Variants in ATP6V1B2 observed in about 807,000 individuals in gnomAD.
ATP6V1B2 encodes the protein ATPase H+ transporting V1 subunit B2, also known as V-type proton ATPase subunit B, brain isoform.
Under a neutral mutation model 66.7 loss-of-function variants are expected in ATP6V1B2, and 23 were observed. The ratio of observed to expected loss-of-function variants is 0.34; its 90% CI spans 0.25 to 0.49. ATP6V1B2 has a LOEUF of 0.49. ATP6V1B2 is among the 20% of genes least tolerant of loss of function. ATP6V1B2 has a pLI of 0.99. For missense variants in ATP6V1B2, 478 were observed against 650.8 expected (o/e 0.73, Z 2.89); for synonymous variants, 278 against 236.7 (o/e 1.17, Z -1.60).
chr8:20,218,919 G>T (rs573599281), intron 13 of ATP6V1B2, among the ~76,000 whole-genome samples: 25 of 152,214 alleles, frequency 1.6e-4, no homozygotes, highest in African/African-American at 5.8e-4. Context: ...CTGCCTAGCA[G>T]TGCCCTTTCA....
chr8:20,211,280 T>C lies in ATP6V1B2; in HGVS notation c.567T>C (p.Ile189=). 6.2e-7 allele frequency: 1 copy of C among 1,613,196 alleles called. No homozygotes were observed. Among genetic ancestry groups the C allele is most frequent in the East Asian group, 2.2e-5 (1 of 44,834 alleles). The change falls in exon 6 of 14, where the codon ATT becomes ATC. Residue 189 remains isoleucine, a synonymous_variant. Coordinates refer to ENST00000276390, the MANE Select transcript of ATP6V1B2 (RefSeq NM_001693.4). ...GMNSIARGQK[I]PIFSAAGLPH... Reference sequence around the variant, plus strand: ...ACAGTATTGCTAGGGGGCAGAAAATTCCTATCTTCTCTGCTGCTGGGCTAC... The same window carrying C: ...ACAGTATTGCTAGGGGGCAGAAAATCCCTATCTTCTCTGCTGCTGGGCTAC...
chr8:20,214,632 T>A (rs2072831851), intron 9 of ATP6V1B2, 186 bp from the exon 10 acceptor site: 1 of 604,512 alleles, frequency 1.7e-6, no homozygotes, highest in African/African-American at 1.9e-5. Flanking sequence ...ATTGTCAACA[T>A]TTTTGTTACA....
rs986096709 is a variant in ATP6V1B2 at position 20,221,221 on chromosome 8, C to G, written c.*819C>G. ...TACAGCCTTTCTACATTCTGACATG[C>G]TAACAGTGGTTTAAGTTTCTAAAGT... is the stretch of plus-strand genomic sequence containing the variant. On this transcript the variant is annotated 3_prime_UTR_variant, in exon 14 of 14. Transcript: ENST00000276390. 6.6e-6 allele frequency: 1 copy of G among 152,216 alleles called. No homozygotes were observed. Among genetic ancestry groups the G allele is most frequent in the African/African-American group, 2.4e-5 (1 of 41,462 alleles). The allele number at this position is 152,216 out of a possible 1,614,324, so 9.4% of individuals were successfully genotyped here. A position where few individuals can be genotyped will look rare whatever the true frequency, so the allele number is the denominator to read the frequency against.
At chr8:20,217,452 G>T in intron 12 of ATP6V1B2, 128 bp downstream of exon 12, 2 of 780,714 alleles carry the variant, frequency 2.6e-6, no homozygotes, top group Admixed American at 2.1e-5. Context: ...TAGGCTTGAT[G>T]TGGAATACAT....
intron 8 of ATP6V1B2, 137 bp downstream of exon 8, chr8:20,212,336 G>C (rs1053262912): frequency 2.5e-6 from 2 of 790,052 alleles, no homozygotes; most frequent in African/African-American, 1.7e-5. Context: ...GTCCAGCCCT[G>C]CTTCTTGGTA....
intron 1 of ATP6V1B2, among the ~76,000 whole-genome samples, chr8:20,200,039 G>T (rs1041860476): frequency 6.6e-6 from 1 of 151,700 alleles, no homozygotes. Flanking sequence ...GTCTCACTCT[G>T]TTGCCTAGGC....
At chr8:20,209,092 C>T (rs994090677) in intron 2 of ATP6V1B2, among the ~76,000 whole-genome samples, 3 of 152,128 alleles carry the variant, frequency 2.0e-5, no homozygotes, top group Admixed American at 2.0e-4. Flanking sequence ...AAGCAATCAT[C>T]ATTTCTAGGT....
chr8:20,218,912 C>T (rs2072881356), intron 13 of ATP6V1B2, among the ~76,000 whole-genome samples: 1 of 152,146 alleles, frequency 6.6e-6, no homozygotes, highest in African/African-American at 2.4e-5. Flanking sequence ...AGCTGACCTG[C>T]CTAGCAGTGC....
intron 1 of ATP6V1B2, among the ~76,000 whole-genome samples, chr8:20,201,495 G>A (rs1311983110): frequency 6.6e-6 from 1 of 152,116 alleles, no homozygotes; most frequent in Non-Finnish European, 1.5e-5. Context: ...GAGAAGAGCT[G>A]TAGTTTTATA....
At chr8:20,204,690 G>A (rs1173113541) in intron 2 of ATP6V1B2, 151 bp downstream of exon 2, 1 of 571,128 alleles carries the variant, frequency 1.8e-6, no homozygotes, top group South Asian at 3.4e-5. Context: ...TGATACCCTG[G>A]GCTATCAGAT....
rs1050084523 is a variant in ATP6V1B2, at chr8:20,204,465, C to T, written c.137-19C>T. On this transcript the variant is annotated intron_variant, in intron 1 of 13. Coordinates refer to ENST00000276390, the MANE Select transcript of ATP6V1B2 (RefSeq NM_001693.4). ...TTGTGCTATTTGACTAAAACTGACT[C>T]TTCTGTATTTCTTTCCAGCATACAA... The T allele has an allele frequency of 1.2e-6, 2 of 1,607,194 alleles. No homozygotes were observed. Among genetic ancestry groups the T allele is most frequent in the African/African-American group, 2.7e-5 (2 of 74,674 alleles).
At chr8:20,211,422 G>C (rs1380929884) in intron 6 of ATP6V1B2, 106 bp downstream of exon 6, 1 of 1,459,654 alleles carries the variant, frequency 6.9e-7, no homozygotes, top group Non-Finnish European at 9.2e-7. Flanking sequence ...TAAATACTCA[G>C]TGTTATTGTT....
At chr8:20,219,061 T>C (rs1183618155) in intron 13 of ATP6V1B2, among the ~76,000 whole-genome samples, 1 of 152,248 alleles carries the variant, frequency 6.6e-6, no homozygotes, top group Admixed American at 6.5e-5. Flanking sequence ...TCTTTTGAAA[T>C]ATCTTACCCT....
intron 1 of ATP6V1B2, among the ~76,000 whole-genome samples, chr8:20,200,943 G>T (rs2072679446): frequency 6.6e-6 from 1 of 152,228 alleles, no homozygotes; most frequent in South Asian, 2.1e-4. Flanking sequence ...ATTATGCAAT[G>T]GCTGTCAACT....
At position 20,208,446 on chromosome 8, in the gene ATP6V1B2, G is replaced by C. The variant is rs1388330508; in HGVS notation, c.193-987G>C. Among the ~76,000 whole-genome samples, 4 of 152,210 alleles carry C rather than the reference G, an allele frequency of 2.6e-5. No individual in the cohort carries two copies. In the East Asian group the frequency reaches 5.8e-4, roughly 22 times the overall value. ...CTCTTTTCACATCACACAAAATAAT[G>C]ATGCATCTTTCAATAAATTATGTTG... is the stretch of plus-strand genomic sequence containing the variant. On this transcript the variant is annotated intron_variant, in intron 2 of 13. Transcript: ENST00000276390.
intron 10 of ATP6V1B2, 28 bp from the exon 11 acceptor site, chr8:20,216,385 C>A: frequency 6.3e-7 from 1 of 1,590,056 alleles, no homozygotes; most frequent in Non-Finnish European, 8.6e-7. Flanking sequence ...AGATGCCATG[C>A]TTAATGCCAA....
At chr8:20,212,281 A>G (rs2072803085) in intron 8 of ATP6V1B2, 82 bp downstream of exon 8, 3 of 1,280,440 alleles carry the variant, frequency 2.3e-6, no homozygotes, top group Non-Finnish European at 3.4e-6. Context: ...AAAATGTGGT[A>G]ATAACAGCAT....
chr8:20,208,484 T>C (rs2072759777), intron 2 of ATP6V1B2, among the ~76,000 whole-genome samples: 1 of 152,138 alleles, frequency 6.6e-6, no homozygotes, highest in African/African-American at 2.4e-5. Flanking sequence ...AAAATAAGTA[T>C]TAACATGCCA....
intron 13 of ATP6V1B2, among the ~76,000 whole-genome samples, chr8:20,218,762 T>C (rs1455481853): frequency 2.0e-5 from 3 of 152,188 alleles, no homozygotes; most frequent in Non-Finnish European, 4.4e-5. Flanking sequence ...TTCACTGTGC[T>C]GTGGGCTCTA....
Sources: gnomAD v4.1 joint callset for allele counts (sites outside exome capture counted in the v4.1 genomes callset) on GRCh38, gnomAD v4.1.1 for gene constraint, MANE v1.5 for transcripts, NCBI Gene and HGNC (gene_info 2026-07-23, HGNC 2026-07-21) for gene names.